The following CCN4 variants were observed in gnomAD, a reference collection of about 807,000 sequenced individuals.
CCN4 encodes CCN family member 4.
In CCN4, 30 loss-of-function variants were observed where a neutral mutation model predicts 36.7. That is an observed-to-expected ratio of 0.82 (90% CI 0.61 to 1.11). The LOEUF (loss-of-function observed/expected upper bound fraction) is 1.11. CCN4 is among the 50% of genes least tolerant of loss of function. The pLI, the probability that CCN4 is intolerant of heterozygous loss-of-function variation, is 0.00. For missense variants in CCN4, 505 were observed against 504.9 expected (o/e 1.00, Z 0.00); for synonymous variants, 191 against 195.4 (o/e 0.98, Z 0.19).
At chr8:133,210,884 A>T (rs906279458) in intron 1 of CCN4, among the ~76,000 whole-genome samples, 3 of 152,228 alleles carry the variant, frequency 2.0e-5, no homozygotes. Flanking sequence ...CAGGTGAAAA[A>T]GATAGGAAGG....
intron 1 of CCN4, among the ~76,000 whole-genome samples, chr8:133,199,437 A>T (rs1360736460): frequency 6.6e-6 from 1 of 152,190 alleles, no homozygotes; most frequent in Non-Finnish European, 1.5e-5. Context: ...AAATGGATGT[A>T]AATGCCCGTG....
At chr8:133,220,033 C>A (rs1159305392) in intron 2 of CCN4, among the ~76,000 whole-genome samples, 1 of 152,092 alleles carries the variant, frequency 6.6e-6, no homozygotes, top group Non-Finnish European at 1.5e-5. Context: ...ACTTTTCTCC[C>A]AGACACTTGT....
At position 133,229,654 on chromosome 8, in the gene CCN4, A is replaced by G. The variant is rs1022179319; in HGVS notation, c.*1944A>G. The G allele has an allele frequency of 1.3e-5, 2 of 152,254 alleles. No homozygotes were observed. Among genetic ancestry groups the G allele is most frequent in the African/African-American group, 4.8e-5 (2 of 41,470 alleles). The allele number at this position is 152,254 out of a possible 1,614,324, so 9.4% of individuals were successfully genotyped here. On this transcript the variant is annotated 3_prime_UTR_variant, in exon 5 of 5. Transcript: ENST00000250160. Reference sequence around the variant, plus strand: ...ACCTCCCCAAAACCTAGTCCAGTGCAAGGTATACAGTGGTGCTCATTAAAT... The same window carrying G: ...ACCTCCCCAAAACCTAGTCCAGTGCGAGGTATACAGTGGTGCTCATTAAAT...
chr8:133,220,764 A>C lies in CCN4; in HGVS notation c.533A>C (p.His178Pro), dbSNP rs1854494021. The C allele has an allele frequency of 6.2e-7, 1 of 1,613,242 alleles. No homozygotes were observed. Among genetic ancestry groups the C allele is most frequent in the Non-Finnish European group, 8.5e-7 (1 of 1,179,990 alleles). ...PHPRRVSIPG[H>P]CCEQWVCEDD... Reference sequence around the variant, plus strand: ...CCGCGGCGCGTGAGCATACCTGGCCACTGCTGTGAGCAGTGGGTATGTGAG... The same window carrying C: ...CCGCGGCGCGTGAGCATACCTGGCCCCTGCTGTGAGCAGTGGGTATGTGAG... Residue 178 changes from histidine to proline, a missense_variant, in exon 3 of 5, where the codon CAC becomes CCC. Physicochemically the swap from His to Pro is moderately conservative, Grantham distance 77 (BLOSUM62 -2). Transcript: ENST00000250160.
At chr8:133,210,699 T>C (rs1458561424) in intron 1 of CCN4, among the ~76,000 whole-genome samples, 1 of 152,194 alleles carries the variant, frequency 6.6e-6, no homozygotes, top group African/African-American at 2.4e-5. Context: ...AGACTGGCAA[T>C]GTGCAGGCAC....
In CCN4 at chr8:133,228,170, G is replaced by C. The variant is rs539676989; in HGVS notation, c.*460G>C. On this transcript the variant is annotated 3_prime_UTR_variant, in exon 5 of 5. Transcript: ENST00000250160. Reference sequence around the variant, plus strand: ...AGCCTGCCAAGAGGTACTGTAATGGGTAATTCTGACGTCAGCGCACCAAAA... The same window carrying C: ...AGCCTGCCAAGAGGTACTGTAATGGCTAATTCTGACGTCAGCGCACCAAAA... 2 of 156,592 alleles carry C rather than the reference G, an allele frequency of 1.3e-5. No homozygotes were observed. The highest frequency in any genetic ancestry group is 4.8e-5 in the African/African-American group (2 of 41,488). 9.7% of individuals were successfully genotyped at this position (156,592 alleles called of 1,614,324 possible). A position where few individuals can be genotyped will look rare whatever the true frequency, so the allele number is the denominator to read the frequency against.
chr8:133,222,101 A>G (rs879572859), intron 3 of CCN4, among the ~76,000 whole-genome samples: 3 of 151,844 alleles, frequency 2.0e-5, no homozygotes, highest in Non-Finnish European at 4.4e-5. Context: ...TAGGTGAATG[A>G]TGGATGGATC....
chr8:133,199,662 A>T (rs1284448702), intron 1 of CCN4, among the ~76,000 whole-genome samples: 3 of 152,166 alleles, frequency 2.0e-5, no homozygotes, highest in Admixed American at 6.5e-5. Context: ...CTTCCCAGCC[A>T]TGCTATTTGT....
In CCN4 at chr8:133,231,432, T is replaced by C. The variant is rs1387224729; in HGVS notation, c.*3722T>C. 1 of 152,224 alleles carries C rather than the reference T, an allele frequency of 6.6e-6. No homozygotes were observed. The highest frequency in any genetic ancestry group is 1.5e-5 in the Non-Finnish European group (1 of 68,032). 9.4% of individuals were successfully genotyped at this position (152,224 alleles called of 1,614,324 possible). The stretch of plus-strand genomic sequence containing the variant: ...GAGGAAACGTCTTAGAATTTTCCAA[T>C]AGAGGAAAAATAACACTTGGGCAAT... On this transcript the variant is annotated 3_prime_UTR_variant, in exon 5 of 5. Coordinates refer to ENST00000250160, the MANE Select transcript of CCN4 (RefSeq NM_003882.4).
At chr8:133,191,423 TG>T (rs1853106597) in intron 1 of CCN4, among the ~76,000 whole-genome samples, 1 of 152,066 alleles carries the variant, frequency 6.6e-6, no homozygotes, top group Admixed American at 6.5e-5. Context: ...GTGCGACACT[TG>T]GGGAAACAAA....
At chr8:133,191,810 G>T (rs1853123031) in intron 1 of CCN4, among the ~76,000 whole-genome samples, 1 of 151,908 alleles carries the variant, frequency 6.6e-6, no homozygotes, top group South Asian at 2.1e-4. Flanking sequence ...ACAGCCCTCT[G>T]CAGTCTGCAG....
chr8:133,195,763 GC>G (rs1853359053), intron 1 of CCN4, among the ~76,000 whole-genome samples: 2 of 152,312 alleles, frequency 1.3e-5, no homozygotes, highest in South Asian at 2.1e-4. Flanking sequence ...TCCACAGCAA[GC>G]CCCACCAACC....
At chr8:133,195,694 G>A (rs939594954) in intron 1 of CCN4, among the ~76,000 whole-genome samples, 3 of 152,146 alleles carry the variant, frequency 2.0e-5, no homozygotes, top group African/African-American at 4.8e-5. Context: ...ACAGGCCTCC[G>A]CCCAACCAGC....
At chr8:133,227,297 A>G in intron 4 of CCN4, 114 bp from the exon 5 acceptor site, 1 of 1,107,598 alleles carries the variant, frequency 9.0e-7, no homozygotes, top group Non-Finnish European at 1.3e-6. Flanking sequence ...TGAAGCTGAA[A>G]GTAAGGTGGA....
intron 3 of CCN4, among the ~76,000 whole-genome samples, chr8:133,222,556 T>C (rs1042000940): frequency 6.6e-5 from 10 of 151,196 alleles, no homozygotes; most frequent in Non-Finnish European, 8.8e-5. Flanking sequence ...GAGGGTAACA[T>C]CCACAGTGAG....
intron 4 of CCN4, among the ~76,000 whole-genome samples, chr8:133,225,874 T>C (rs1472223741): frequency 6.6e-6 from 1 of 152,076 alleles, no homozygotes; most frequent in East Asian, 1.9e-4. Flanking sequence ...TGAGGGATCC[T>C]TACCAATTTC....
chr8:133,220,843 T>C lies in CCN4; in HGVS notation c.610+2T>C. On this transcript the variant is annotated splice_donor_variant, in intron 3 of 4. Coordinates refer to ENST00000250160, the MANE Select transcript of CCN4 (RefSeq NM_003882.4). LOFTEE classifies it high-confidence loss of function. ...CACCCCGTGACACAGGAGCCTTCGG[T>C]GGGTGTGGGCCCGAGTGGGCTGGGG... The C allele has an allele frequency of 6.3e-7, 1 of 1,596,484 alleles. No homozygotes were observed. The highest frequency in any genetic ancestry group is 8.6e-7 in the Non-Finnish European group (1 of 1,168,056).
intron 1 of CCN4, among the ~76,000 whole-genome samples, chr8:133,204,989 C>T (rs1853717184): frequency 6.6e-6 from 1 of 152,220 alleles, no homozygotes; most frequent in African/African-American, 2.4e-5. Context: ...GTAGAGTGTC[C>T]ATTAAAGCCC....
chr8:133,229,716 C>A lies in CCN4; in HGVS notation c.*2006C>A, dbSNP rs1854885321. 6.6e-6 allele frequency: 1 copy of A among 152,204 alleles called. No homozygotes were observed. Among genetic ancestry groups the A allele is most frequent in the Non-Finnish European group, 1.5e-5 (1 of 68,034 alleles). The allele number at this position is 152,204 out of a possible 1,614,324, so 9.4% of individuals were successfully genotyped here. A position where few individuals can be genotyped will look rare whatever the true frequency, so the allele number is the denominator to read the frequency against. The stretch of plus-strand genomic sequence containing the variant: ...ACAGGAAGCTGTGCATGTGTTCCTA[C>A]TTTTATTCGAAGCTCTCTTCTTCCA... On this transcript the variant is annotated 3_prime_UTR_variant, in exon 5 of 5. Coordinates refer to ENST00000250160, the MANE Select transcript of CCN4 (RefSeq NM_003882.4).
Sources: allele counts gnomAD v4.1 joint callset (sites outside exome capture counted in the v4.1 genomes callset), GRCh38; gene constraint gnomAD v4.1.1; transcripts MANE v1.5; gene names NCBI Gene and HGNC (gene_info 2026-07-23, HGNC 2026-07-21).